LRRTM4: variants seen among roughly 807,000 people sequenced by gnomAD.
LRRTM4 encodes leucine-rich repeat transmembrane neuronal protein 4.
In LRRTM4, 25 loss-of-function variants were observed where a neutral mutation model predicts 47.6. The ratio of observed to expected loss-of-function variants is 0.53; its 90% CI spans 0.38 to 0.73. LRRTM4 has a LOEUF of 0.73. Ranked by LOEUF, LRRTM4 falls within the 30% of genes least tolerant of loss-of-function variation. The probability of loss-of-function intolerance (pLI) is 0.00; values close to 1 mark genes in which losing one functional copy is unlikely to be tolerated. For synonymous variants in LRRTM4, 311 were observed against 269.5 expected (o/e 1.15, Z -1.51); for missense variants, 638 against 713.4 (o/e 0.89, Z 1.20).
chr2:76,803,991 A>C (rs1055764617), intron 3 of LRRTM4, among the ~76,000 whole-genome samples: 4 of 152,066 alleles, frequency 2.6e-5, no homozygotes, highest in African/African-American at 9.7e-5. Flanking sequence ...TGTTGTCACA[A>C]CTCATTGCTT....
chr2:76,778,769 G>A (rs1194076773), intron 3 of LRRTM4, among the ~76,000 whole-genome samples: 1 of 150,258 alleles, frequency 6.7e-6, no homozygotes, highest in Non-Finnish European at 1.5e-5. Flanking sequence ...CTTCAGTTCT[G>A]CTCTGAGTTT....
chr2:77,191,834 C>T (rs1412718378), intron 3 of LRRTM4, among the ~76,000 whole-genome samples: 5 of 151,960 alleles, frequency 3.3e-5, no homozygotes, highest in Non-Finnish European at 5.9e-5. Flanking sequence ...ATAAACCTAA[C>T]TTAGGTAAAC....
intron 3 of LRRTM4, among the ~76,000 whole-genome samples, chr2:77,244,270 C>T (rs10172262): frequency 1.5e-5 from 2 of 132,268 alleles, no homozygotes; most frequent in South Asian, 2.5e-4. Context: ...ATTTATAGTC[C>T]TTTGGGTATA....
intron 3 of LRRTM4, among the ~76,000 whole-genome samples, chr2:77,021,094 GTATC>G (rs923212807): frequency 3.0e-5 from 4 of 135,574 alleles, no homozygotes; most frequent in African/African-American, 1.1e-4. Flanking sequence ...AAACTTCTCT[GTATC>G]TATCTATCTA....
At chr2:77,439,744 G>A (rs1675758448) in intron 3 of LRRTM4, among the ~76,000 whole-genome samples, 1 of 152,062 alleles carries the variant, frequency 6.6e-6, no homozygotes, top group African/African-American at 2.4e-5. Context: ...ATTATTACAG[G>A]TGACGCTACT....
chr2:77,028,344 A>G (rs1052078142), intron 3 of LRRTM4, among the ~76,000 whole-genome samples: 2 of 152,234 alleles, frequency 1.3e-5, no homozygotes, highest in African/African-American at 2.4e-5. Flanking sequence ...GAAACCACTT[A>G]AAAACATTAA....
chr2:76,969,065 C>T (rs1016880686), intron 3 of LRRTM4, among the ~76,000 whole-genome samples: 8 of 151,904 alleles, frequency 5.3e-5, no homozygotes, highest in Non-Finnish European at 8.8e-5. Flanking sequence ...CTCTCTATTT[C>T]ACTTTTTAAA....
intron 3 of LRRTM4, among the ~76,000 whole-genome samples, chr2:77,095,238 T>C (rs1289036652): frequency 2.6e-5 from 4 of 152,176 alleles, no homozygotes. Context: ...GAATGTCTAC[T>C]ATCAAAAAGA....
chr2:77,159,438 G>A (rs560511195), intron 3 of LRRTM4, among the ~76,000 whole-genome samples: 1 of 151,320 alleles, frequency 6.6e-6, no homozygotes, highest in South Asian at 2.1e-4. Flanking sequence ...GAATTAATGG[G>A]TGCAGCACAC....
intron 3 of LRRTM4, among the ~76,000 whole-genome samples, chr2:77,339,921 G>A (rs762362429): frequency 1.3e-5 from 2 of 151,846 alleles, no homozygotes; most frequent in African/African-American, 2.4e-5. Context: ...ATAGAATGAC[G>A]CACGTTGACA....
At chr2:76,882,642 T>C (rs139566475) in intron 3 of LRRTM4, among the ~76,000 whole-genome samples, 101 of 152,266 alleles carry the variant, frequency 6.6e-4, no homozygotes, top group Non-Finnish European at 1.4e-3. Flanking sequence ...ACTAGTCAGT[T>C]GTAAAAAGGT....
chr2:76,956,283 TAGC>T (rs950491007), intron 3 of LRRTM4, among the ~76,000 whole-genome samples: 8 of 151,156 alleles, frequency 5.3e-5, no homozygotes, highest in Non-Finnish European at 8.9e-5. Context: ...TAGAAATTAA[TAGC>T]AGAATAAAAA....
chr2:77,162,810 C>T (rs964981696), intron 3 of LRRTM4, among the ~76,000 whole-genome samples: 1 of 152,088 alleles, frequency 6.6e-6, no homozygotes, highest in Non-Finnish European at 1.5e-5. Context: ...CACACCAAAA[C>T]CCCATCTGTA....
In LRRTM4 at chr2:76,799,604, T is replaced by C. The variant is rs1486163073; in HGVS notation, c.1552-50688A>G. ...ATAGTGTTGGAAGTTCTGGCCAGGG[T>C]AATTAGGCAGGAGAAGGAAATAAAG... is the stretch of plus-strand genomic sequence containing the variant. On this transcript the variant is annotated intron_variant, in intron 3 of 3. Transcript: ENST00000409884. Among the ~76,000 whole-genome samples, 360 of 139,148 alleles carry C rather than the reference T, an allele frequency of 2.6e-3. 2 individuals are homozygous for C. The highest frequency in any genetic ancestry group is 3.6e-3 in the Non-Finnish European group (230 of 64,268). 91.3% of individuals were successfully genotyped at this position (139,148 alleles called of 152,430 possible).
At chr2:77,352,554 C>T (rs1322360419) in intron 3 of LRRTM4, among the ~76,000 whole-genome samples, 3 of 152,076 alleles carry the variant, frequency 2.0e-5, no homozygotes, top group Admixed American at 2.0e-4. Flanking sequence ...GTTCTCATTG[C>T]TCCAGGTGTT....
chr2:77,344,134 G>T (rs190245534), intron 3 of LRRTM4, among the ~76,000 whole-genome samples: 1 of 151,750 alleles, frequency 6.6e-6, no homozygotes, highest in Non-Finnish European at 1.5e-5. Context: ...GGTAAACAGG[G>T]CCTAGAATTC....
intron 3 of LRRTM4, among the ~76,000 whole-genome samples, chr2:77,210,413 G>T (rs537511893): frequency 6.6e-6 from 1 of 151,924 alleles, no homozygotes; most frequent in Non-Finnish European, 1.5e-5. Flanking sequence ...AAATTCCTAA[G>T]ACAAGTCACA....
intron 3 of LRRTM4, among the ~76,000 whole-genome samples, chr2:76,890,133 T>G (rs1474058918): frequency 6.6e-6 from 1 of 151,880 alleles, no homozygotes; most frequent in African/African-American, 2.4e-5. Flanking sequence ...ATTTTTGGAG[T>G]TGGATTTCAT....
At chr2:77,298,031 A>T (rs1677020839) in intron 3 of LRRTM4, among the ~76,000 whole-genome samples, 1 of 152,210 alleles carries the variant, frequency 6.6e-6, no homozygotes, top group Admixed American at 6.5e-5. Context: ...TGTGATGTGT[A>T]AGAAACTAAA....
Sources: gnomAD v4.1 joint callset for allele counts (sites outside exome capture counted in the v4.1 genomes callset) on GRCh38, gnomAD v4.1.1 for gene constraint, MANE v1.5 for transcripts, NCBI Gene and HGNC (gene_info 2026-07-23, HGNC 2026-07-21) for gene names.